The following SETBP1 variants were observed in gnomAD, a reference collection of about 807,000 sequenced individuals.
The protein encoded by SETBP1 is SET-binding protein.
SETBP1 carries 9 observed loss-of-function variants against 101.0 expected under a neutral mutation model. The ratio of observed to expected loss-of-function variants is 0.09; its 90% confidence interval spans 0.05 to 0.16. The LOEUF (loss-of-function observed/expected upper bound fraction) is 0.16. Among genes scored for constraint, SETBP1 ranks in the 10% least tolerant of loss-of-function variants. The pLI, the probability that SETBP1 is intolerant of heterozygous loss-of-function variation, is 1.00. For synonymous variants in SETBP1, 818 were observed against 788.5 expected, an observed-to-expected ratio of 1.04 and a Z score of -0.63; for missense variants, 1,858 against 2,033.8, an observed-to-expected ratio of 0.91 and a Z score of 1.66.
At chr18:44,813,683 G>C (rs1487174320) in intron 2 of SETBP1, among the ~76,000 whole-genome samples, 1 of 152,208 alleles carries the variant, frequency 6.6e-6, no homozygotes. Context: ...AGAACATGGT[G>C]ATGGATCCAG....
At chr18:44,735,117 T>G (rs1334497965) in intron 2 of SETBP1, among the ~76,000 whole-genome samples, 7 of 152,212 alleles carry the variant, frequency 4.6e-5, no homozygotes, top group Non-Finnish European at 8.8e-5. Context: ...CAATATTCAT[T>G]AATCCCAAGA....
At chr18:44,860,677 G>A (rs903675450) in intron 2 of SETBP1, among the ~76,000 whole-genome samples, 4 of 151,878 alleles carry the variant, frequency 2.6e-5, no homozygotes, top group Admixed American at 6.6e-5. Context: ...AACCCTCGAG[G>A]CAGAGGTTGC....
intron 2 of SETBP1, among the ~76,000 whole-genome samples, chr18:44,723,384 A>G (rs1031518296): frequency 3.3e-5 from 5 of 152,220 alleles, no homozygotes; most frequent in Admixed American, 1.3e-4. Context: ...ATGTTAAAGC[A>G]GAAAGAGACC....
At chr18:44,680,174 A>C (rs1441974405), upstream of SETBP1, 1 of 141,228 alleles carries the variant, frequency 7.1e-6, no homozygotes, top group East Asian at 2.2e-4. Context: ...TCGGGCGGGA[A>C]GCGCGGGGCC....
At chr18:44,962,054 G>A (rs1378735025) in intron 4 of SETBP1, among the ~76,000 whole-genome samples, 1 of 152,118 alleles carries the variant, frequency 6.6e-6, no homozygotes, top group Non-Finnish European at 1.5e-5. Flanking sequence ...ATAGTGCCAG[G>A]GACAATTAGG....
At chr18:44,757,743 C>T (rs183049191) in intron 2 of SETBP1, among the ~76,000 whole-genome samples, 36 of 152,300 alleles carry the variant, frequency 2.4e-4, no homozygotes, top group African/African-American at 8.2e-4. Context: ...TTTCACACCA[C>T]CGAGATTTAA....
At chr18:45,056,353 A>G (rs892511855) in intron 5 of SETBP1, among the ~76,000 whole-genome samples, 5 of 152,216 alleles carry the variant, frequency 3.3e-5, no homozygotes, top group African/African-American at 9.6e-5. Flanking sequence ...GAGATCCCCC[A>G]TCAACCCCTT....
intron 2 of SETBP1, among the ~76,000 whole-genome samples, chr18:44,756,340 T>C (rs1336043485): frequency 6.6e-6 from 1 of 152,234 alleles, no homozygotes; most frequent in Non-Finnish European, 1.5e-5. Context: ...ATGCGGTTTT[T>C]CCCAAACTTT....
rs146392092 is a variant in SETBP1 at position 44,848,625 on chromosome 18, A to G, written c.487-20605A>G. Among the ~76,000 whole-genome samples the G allele has an allele frequency of 4.0e-3, 610 of 152,366 alleles. 4 individuals carry two copies. The highest frequency in any genetic ancestry group is 6.7e-3 in the Non-Finnish European group (457 of 68,034). On this transcript the variant is annotated intron_variant, in intron 2 of 5. Coordinates refer to ENST00000649279, the MANE Select transcript of SETBP1 (RefSeq NM_015559.3). ...AGGTGCAAGTACAGAGAAATCCCCC[A>G]ACTGTCTCATTTCTTCCTGGAGAGG...
At chr18:44,868,667 CGAGAGAGAGA>C (rs147824825) in intron 2 of SETBP1, among the ~76,000 whole-genome samples, 21 of 87,210 alleles carry the variant, frequency 2.4e-4, no homozygotes, top group Admixed American at 3.5e-4. Context: ...TGTACTCCAG[CGAGAGAGAGA>C]GAGAGAGAGA....
chr18:44,774,213 A>G (rs2070943331), intron 2 of SETBP1, among the ~76,000 whole-genome samples: 1 of 152,172 alleles, frequency 6.6e-6, no homozygotes, highest in African/African-American at 2.4e-5. Context: ...TGATGTACGC[A>G]TGGATCCTGG....
At chr18:44,725,410 T>C (rs1327060532) in intron 2 of SETBP1, among the ~76,000 whole-genome samples, 2 of 151,964 alleles carry the variant, frequency 1.3e-5, no homozygotes, top group Non-Finnish European at 2.9e-5. Context: ...TTGGGGGGTG[T>C]GTGTGGAGGG....
chr18:44,789,287 A>G (rs529415624), intron 2 of SETBP1, among the ~76,000 whole-genome samples: 151 of 152,148 alleles, frequency 9.9e-4, no homozygotes, highest in Non-Finnish European at 1.7e-3. Context: ...CCAGTCCTCA[A>G]CTTTTCCCTC....
At chr18:44,832,636 G>T (rs539454070) in intron 2 of SETBP1, among the ~76,000 whole-genome samples, 1 of 152,238 alleles carries the variant, frequency 6.6e-6, no homozygotes, top group East Asian at 1.9e-4. Context: ...GTGCCCTTTG[G>T]GTCCCCCTCC....
chr18:44,767,742 TC>T (rs1205348209), intron 2 of SETBP1, among the ~76,000 whole-genome samples: 2 of 152,228 alleles, frequency 1.3e-5, no homozygotes, highest in African/African-American at 2.4e-5. Context: ...TATTCTTATG[TC>T]TTTAAATGTT....
chr18:44,769,604 T>C, intron 2 of SETBP1, among the ~76,000 whole-genome samples: 1 of 152,258 alleles, frequency 6.6e-6, no homozygotes, highest in South Asian at 2.1e-4. Flanking sequence ...GTATTGAGTG[T>C]GTATTTCTGT....
At chr18:44,757,971 G>A (rs1482058134) in intron 2 of SETBP1, among the ~76,000 whole-genome samples, 2 of 152,180 alleles carry the variant, frequency 1.3e-5, no homozygotes, top group African/African-American at 4.8e-5. Flanking sequence ...GTTTCTGACC[G>A]TTCCATTTCT....
In SETBP1 at chr18:44,794,604, C is replaced by A. The variant is rs535648210; in HGVS notation, c.487-74626C>A. ...TTTGAAGTTTGGATGAGGAAAGTAACCTGCTGGGAAGTCACAAAGGGTTGC... is the reference window on the plus strand; with the variant it reads ...TTTGAAGTTTGGATGAGGAAAGTAAACTGCTGGGAAGTCACAAAGGGTTGC... On this transcript the variant is annotated intron_variant, in intron 2 of 5. Transcript: ENST00000649279. Among the ~76,000 whole-genome samples, 4 of 152,208 alleles carry A rather than the reference C, an allele frequency of 2.6e-5. 1 individual carries two copies. Among genetic ancestry groups the A allele is most frequent in the African/African-American group, 9.6e-5 (4 of 41,544 alleles).
At chr18:44,865,118 G>A (rs765427193) in intron 2 of SETBP1, among the ~76,000 whole-genome samples, 1 of 152,182 alleles carries the variant, frequency 6.6e-6, no homozygotes, top group South Asian at 2.1e-4. Context: ...ATATAATCTC[G>A]AGTGGAGATT....
Sources: gnomAD v4.1 joint callset for allele counts (sites outside exome capture counted in the v4.1 genomes callset) on GRCh38, gnomAD v4.1.1 for gene constraint, MANE v1.5 for transcripts, NCBI Gene and HGNC (gene_info 2026-07-23, HGNC 2026-07-21) for gene names.